The following SH3KBP1 variants were observed in gnomAD, a reference collection of about 807,000 sequenced individuals.
SH3KBP1 encodes the protein SH3 domain containing kinase binding protein 1, also known as SH3 domain-containing kinase-binding protein 1.
A neutral mutation model predicts 50.1 loss-of-function variants in SH3KBP1; 8 were observed. The ratio of observed to expected loss-of-function variants is 0.16; its 90% CI spans 0.09 to 0.29. The LOEUF is 0.29. Ranked by LOEUF, SH3KBP1 falls within the 10% of genes least tolerant of loss-of-function variation. The pLI is 1.00. For synonymous variants in SH3KBP1, 227 were observed against 218.6 expected (o/e 1.04, Z -0.34); for missense variants, 377 against 535.2 (o/e 0.70, Z 2.92).
chrX:19,685,519 C>T (rs1030323889), intron 5 of SH3KBP1, among the ~76,000 whole-genome samples: 28 of 111,208 alleles, frequency 2.5e-4, no homozygotes, highest in African/African-American at 7.9e-4. Context: ...AACACAGGAC[C>T]GAATGGGGAA....
chrX:19,811,663 G>A (rs2067210943), intron 2 of SH3KBP1, among the ~76,000 whole-genome samples: 1 of 111,560 alleles, frequency 9.0e-6, no homozygotes, highest in African/African-American at 3.3e-5. Flanking sequence ...TCCATGATAC[G>A]CAAAAACAGT....
chrX:19,626,412 A>ATGAATGAG (rs758507681), intron 8 of SH3KBP1, among the ~76,000 whole-genome samples: 16 of 110,546 alleles, frequency 1.4e-4, no homozygotes, highest in African/African-American at 5.4e-4. Flanking sequence ...GAATGAATGA[A>ATGAATGAG]TGAGTGAACG....
intron 8 of SH3KBP1, among the ~76,000 whole-genome samples, chrX:19,628,395 T>C (rs1744503289): frequency 9.0e-6 from 1 of 110,841 alleles, no homozygotes; most frequent in African/African-American, 3.3e-5. Context: ...CCCTGTGAGG[T>C]CAGCTTTATG....
intron 8 of SH3KBP1, among the ~76,000 whole-genome samples, chrX:19,610,171 AG>A (rs1487584191): frequency 8.9e-6 from 1 of 112,172 alleles, no homozygotes; most frequent in Non-Finnish European, 1.9e-5. Flanking sequence ...AGGGTCCAAA[AG>A]TCTTTCAACA....
At chrX:19,672,677 T>C (rs2062827085) in intron 6 of SH3KBP1, among the ~76,000 whole-genome samples, 2 of 111,699 alleles carry the variant, frequency 1.8e-5, no homozygotes, top group Admixed American at 1.9e-4. Context: ...AAACTAAATG[T>C]GGTATTCTGG....
Position 19,588,770 on chromosome X carries a change from G to C in SH3KBP1, c.1171C>G (p.Gln391Glu). Reference protein sequence around the residue: ...RPEREPKLDLQKPSVPAIPPK... With the variant: ...RPEREPKLDLEKPSVPAIPPK... ...GGTATGGCAGGAACGGAGGGCTTCT[G>C]TAAATCCAGTTTTGGCTCTCTCTCT... Residue 391 changes from glutamine (Q) to glutamate (E), a missense_variant, in exon 12 of 18, where the codon CAG (glutamine) becomes GAG (glutamate). Physicochemically the swap from Gln to Glu is conservative, Grantham distance 29. Transcript: ENST00000397821. 8.5e-7 allele frequency: 1 copy of C among 1,174,084 alleles called. No individual in the cohort carries two copies. The highest frequency in any genetic ancestry group is 2.4e-5 in the Admixed American group (1 of 40,836).
intron 16 of SH3KBP1, among the ~76,000 whole-genome samples, chrX:19,541,482 C>G (rs962495897): frequency 2.7e-5 from 3 of 112,040 alleles, no homozygotes; most frequent in Non-Finnish European, 3.8e-5. Flanking sequence ...TCATACATTA[C>G]TGGTACCTCA....
At position 19,793,431 on chromosome X, in the gene SH3KBP1, T is replaced by A. The variant is rs775793685; in HGVS notation, c.162+42694A>T. On this transcript the variant is annotated intron_variant, in intron 2 of 17. Coordinates refer to ENST00000397821, the MANE Select transcript of SH3KBP1 (RefSeq NM_031892.3). The stretch of plus-strand genomic sequence containing the variant: ...CCTGGATCTGCCTCTTTTCTAGCCG[T>A]GAAGCCTCAGGCAGGCAACTGTACT... 2.7e-5 allele frequency among the ~76,000 whole-genome samples: 3 copies of A among 110,200 alleles called. No homozygotes were observed. The South Asian group carries it at 1.2e-3, about 43-fold the overall frequency.
At chrX:19,669,772 A>G (rs1471274156) in intron 6 of SH3KBP1, among the ~76,000 whole-genome samples, 1 of 111,454 alleles carries the variant, frequency 9.0e-6, no homozygotes, top group Non-Finnish European at 1.9e-5. Context: ...CTCTCCTCAT[A>G]TATCTGCCTC....
At chrX:19,860,999 C>T (rs1471180207) in intron 1 of SH3KBP1, among the ~76,000 whole-genome samples, 2 of 111,276 alleles carry the variant, frequency 1.8e-5, no homozygotes, top group South Asian at 3.7e-4. Context: ...CATTATGGGA[C>T]GCTGGGAAAG....
At chrX:19,875,190 C>T (rs1249319704) in intron 1 of SH3KBP1, among the ~76,000 whole-genome samples, 1 of 111,458 alleles carries the variant, frequency 9.0e-6, no homozygotes, top group African/African-American at 3.3e-5. Context: ...ATGCTATCAC[C>T]AACCCATCCA....
chrX:19,807,757 A>T (rs779206105), intron 2 of SH3KBP1, among the ~76,000 whole-genome samples: 20 of 112,382 alleles, frequency 1.8e-4, no homozygotes, highest in African/African-American at 6.5e-4. Flanking sequence ...AGAGCTAGGT[A>T]AGATACATGT....
intron 3 of SH3KBP1, among the ~76,000 whole-genome samples, chrX:19,732,640 G>A (rs918067152): frequency 1.1e-4 from 11 of 103,218 alleles, no homozygotes; most frequent in African/African-American, 3.4e-4. Context: ...CACACACAGC[G>A]TTCTATCCAA....
At chrX:19,761,268 GAA>G (rs1793222068) in intron 2 of SH3KBP1, among the ~76,000 whole-genome samples, 2 of 85,642 alleles carry the variant, frequency 2.3e-5, no homozygotes, top group African/African-American at 8.8e-5. Flanking sequence ...GAGAGAGAGA[GAA>G]GAGAGGAAGT....
At chrX:19,791,102 T>C (rs375451597) in intron 2 of SH3KBP1, among the ~76,000 whole-genome samples, 14 of 111,682 alleles carry the variant, frequency 1.3e-4, no homozygotes, top group African/African-American at 3.9e-4. Context: ...AGGGAAGACA[T>C]GGTCTCCTAA....
At chrX:19,594,737 C>G (rs748742105) in intron 10 of SH3KBP1, among the ~76,000 whole-genome samples, 1 of 111,216 alleles carries the variant, frequency 9.0e-6, no homozygotes, top group Admixed American at 9.6e-5. Context: ...GATTTTTACA[C>G]TATATCAGGG....
At chrX:19,796,350 CTG>C (rs1487300915) in intron 2 of SH3KBP1, among the ~76,000 whole-genome samples, 1 of 111,903 alleles carries the variant, frequency 8.9e-6, no homozygotes, top group Non-Finnish European at 1.9e-5. Context: ...GTGGTAAAAA[CTG>C]TCAACTCCCT....
intron 3 of SH3KBP1, among the ~76,000 whole-genome samples, chrX:19,734,498 C>G (rs2064477910): frequency 1.8e-5 from 2 of 111,440 alleles, no homozygotes; most frequent in South Asian, 3.7e-4. Context: ...CATTTTAACC[C>G]CAATTTGTGT....
chrX:19,697,421 C>T (rs1465243124), intron 4 of SH3KBP1, among the ~76,000 whole-genome samples: 2 of 112,162 alleles, frequency 1.8e-5, no homozygotes, highest in South Asian at 3.6e-4. Context: ...TTCCTATCTG[C>T]ATGATGGGAA....
Sources: gnomAD v4.1 joint callset for allele counts (sites outside exome capture counted in the v4.1 genomes callset) on GRCh38, gnomAD v4.1.1 for gene constraint, MANE v1.5 for transcripts, NCBI Gene and HGNC (gene_info 2026-07-23, HGNC 2026-07-21) for gene names.